The following PRKAR1A variants were observed in gnomAD, a reference collection of about 807,000 sequenced individuals.
PRKAR1A encodes the protein cAMP-dependent protein kinase type I-alpha regulatory subunit.
A neutral mutation model predicts 52.0 loss-of-function variants in PRKAR1A; 3 were observed. The observed-to-expected ratio is 0.06, with a 90% CI of 0.03 to 0.15. PRKAR1A has a LOEUF of 0.15. Ranked by LOEUF, PRKAR1A falls within the 10% of genes least tolerant of loss-of-function variation. PRKAR1A has a pLI of 1.00. For missense variants in PRKAR1A, 240 were observed against 477.4 expected (o/e 0.50, Z 4.63); for synonymous variants, 188 against 168.4 (o/e 1.12, Z -0.90).
intron 9 of PRKAR1A, 45 bp downstream of exon 9, chr17:68,529,036 C>A: frequency 6.2e-7 from 1 of 1,610,592 alleles, no homozygotes; most frequent in Non-Finnish European, 8.5e-7. Context: ...AGGTAAAGAA[C>A]TCAGAATTTA....
intron 11 of PRKAR1A, among the ~76,000 whole-genome samples, chr17:68,546,940 C>T (rs79937303): frequency 0.019 from 2,862 of 152,012 alleles, 83 homozygotes; most frequent in African/African-American, 0.065. Context: ...TTAGTCTCCT[C>T]GGACATCTCC....
chr17:68,515,313 T>C, intron 1 of PRKAR1A, 81 bp from the exon 2 acceptor site: 1 of 1,511,416 alleles, frequency 6.6e-7, no homozygotes, highest in Non-Finnish European at 9.0e-7. Flanking sequence ...ATCAGTTGTC[T>C]AATGAATTTA....
chr17:68,484,575 T>A, the PRKAR1A span, among the ~76,000 whole-genome samples: 1 of 152,270 alleles, frequency 6.6e-6, no homozygotes, highest in Middle Eastern at 3.4e-3. Context: ...TCCATTATAA[T>A]GTTAAATAAG....
At chr17:68,436,229 G>A in the PRKAR1A span, among the ~76,000 whole-genome samples, 2 of 152,176 alleles carry the variant, frequency 1.3e-5, no homozygotes, top group South Asian at 2.1e-4. Context: ...CAAGCCCGAG[G>A]GGAAATAGTA....
intron 11 of PRKAR1A, chr17:68,541,061 C>T: frequency 6.6e-7 from 1 of 1,525,866 alleles, no homozygotes. Flanking sequence ...CCTCCCTGAT[C>T]CTGCCCTGGG....
intron 8 of PRKAR1A, 85 bp downstream of exon 8, chr17:68,527,985 A>G: frequency 8.4e-7 from 1 of 1,189,270 alleles, no homozygotes; most frequent in Non-Finnish European, 1.3e-6. Flanking sequence ...GCCTTCTGAA[A>G]GTATAATTGC....
intron 11 of PRKAR1A, chr17:68,542,306 G>T: frequency 1.0e-6 from 1 of 962,686 alleles, no homozygotes; most frequent in South Asian, 1.6e-5. Flanking sequence ...AGGAAACATT[G>T]ACTTTTCCAG....
the PRKAR1A span, among the ~76,000 whole-genome samples, chr17:68,435,115 G>A: frequency 6.6e-6 from 1 of 151,696 alleles, no homozygotes; most frequent in Non-Finnish European, 1.5e-5. Flanking sequence ...GCTGAGGCAG[G>A]AGAATCACTT....
At chr17:68,486,421 CTTCT>C in the PRKAR1A span, among the ~76,000 whole-genome samples, 1 of 140,846 alleles carries the variant, frequency 7.1e-6, no homozygotes, top group Non-Finnish European at 1.5e-5. Context: ...TCTTTCCTTC[CTTCT>C]TTCTTTTCCT....
the PRKAR1A span, among the ~76,000 whole-genome samples, chr17:68,483,754 G>C: frequency 6.6e-6 from 1 of 151,462 alleles, no homozygotes; most frequent in Non-Finnish European, 1.5e-5. Flanking sequence ...CCAGCTACTT[G>C]GGAGGCTGAG....
rs1447698699 is a variant in PRKAR1A at position 68,530,104 on chromosome 17, TC to T, written c.973+104del. 2.7e-6 allele frequency: 4 copies of T among 1,496,298 alleles called. No homozygotes were observed. The South Asian group carries it at 4.6e-5, about 17-fold the overall frequency. 92.7% of individuals were successfully genotyped at this position (1,496,298 alleles called of 1,614,324 possible). ...TTTTGTCTTCTCCTGAATTTTATTT[TC>T]TAACTGCAGTCTTTTTTGGCTCTGA... On this transcript the variant is annotated intron_variant, in intron 10 of 10. Coordinates refer to ENST00000589228, the MANE Select transcript of PRKAR1A (RefSeq NM_002734.5).
the PRKAR1A span, chr17:68,427,221 T>C: frequency 6.2e-7 from 1 of 1,614,204 alleles, no homozygotes; most frequent in Non-Finnish European, 8.5e-7. Flanking sequence ...GTCATTTTCT[T>C]TATTCTCTTC....
chr17:68,486,533 CTT>C, the PRKAR1A span, among the ~76,000 whole-genome samples: 31 of 126,068 alleles, frequency 2.5e-4, no homozygotes, highest in South Asian at 7.6e-4. Flanking sequence ...TTCTTTCTTT[CTT>C]TCTTTCTTTC....
chr17:68,457,352 G>C, the PRKAR1A span: 1 of 1,544,182 alleles, frequency 6.5e-7, no homozygotes, highest in Non-Finnish European at 8.7e-7. Flanking sequence ...GTGCAGTCCT[G>C]GTTGAAAGAG....
At chr17:68,452,968 G>A in the PRKAR1A span, 26 of 1,613,904 alleles carry the variant, frequency 1.6e-5, no homozygotes, top group East Asian at 4.5e-5. Flanking sequence ...GCTTATACCC[G>A]GCTTTAGTTC....
At chr17:68,478,789 A>G in the PRKAR1A span, among the ~76,000 whole-genome samples, 1 of 150,468 alleles carries the variant, frequency 6.6e-6, no homozygotes, top group African/African-American at 2.5e-5. Flanking sequence ...GCACAGTGGC[A>G]CGATCTCGGC....
chr17:68,453,046 C>A, the PRKAR1A span: 1 of 1,485,998 alleles, frequency 6.7e-7, no homozygotes, highest in Admixed American at 1.7e-5. Context: ...AACAACAGAT[C>A]TGTCTGCAAA....
At chr17:68,446,670 C>T in the PRKAR1A span, among the ~76,000 whole-genome samples, 14 of 152,216 alleles carry the variant, frequency 9.2e-5, no homozygotes, top group Admixed American at 8.5e-4. Context: ...TTCTATGCTT[C>T]CTTCTGTTCA....
the PRKAR1A span, among the ~76,000 whole-genome samples, chr17:68,489,712 G>A: frequency 8.2e-5 from 10 of 122,040 alleles, no homozygotes; most frequent in South Asian, 2.8e-4. Flanking sequence ...CATCACACCC[G>A]GCAAATTTTT....
Sources: allele counts gnomAD v4.1 joint callset (sites outside exome capture counted in the v4.1 genomes callset), GRCh38; gene constraint gnomAD v4.1.1; transcripts MANE v1.5; gene names NCBI Gene and HGNC (gene_info 2026-07-23, HGNC 2026-07-21).